The following NLRP1 variants were observed in gnomAD, a reference collection of about 807,000 sequenced individuals.
The protein encoded by NLRP1 is NACHT, LRR and PYD domains-containing protein 1.
A neutral mutation model predicts 136.7 loss-of-function variants in NLRP1; 94 were observed. The observed-to-expected ratio is 0.69, with a 90% CI of 0.58 to 0.82. The LOEUF is 0.82. NLRP1 is among the 40% of genes least tolerant of loss of function. The pLI, the probability that NLRP1 is intolerant of heterozygous loss-of-function variation, is 0.00. For synonymous variants in NLRP1, 690 were observed against 725.1 expected (o/e 0.95, Z 0.78); for missense variants, 1,575 against 1,802.7 (o/e 0.87, Z 2.29).
Position 5,536,923 on chromosome 17 carries a change from A to C in NLRP1, c.2888T>G (p.Leu963Arg). 1 of 1,613,450 alleles carries C rather than the reference A, an allele frequency of 6.2e-7. No individual in the cohort carries two copies. The highest frequency in any genetic ancestry group is 1.3e-5 in the African/African-American group (1 of 75,012). The change falls in exon 8 of 17, where the codon CTG becomes CGG. Residue 963 changes from leucine (L) to arginine (R), a missense_variant. Physicochemically the swap from Leu to Arg is moderately radical, Grantham distance 102 (BLOSUM62 -2). Coordinates refer to ENST00000572272, the MANE Select transcript of NLRP1 (RefSeq NM_033004.4). The stretch of plus-strand genomic sequence containing the variant: ...CAGTTCCTGCCTCATCTCATCACTC[A>C]GAGTTGTCTGGTCCAGCCTGAAAGC... Reference protein sequence around the residue: ...LIRLGLDQTTLSDEMRQELRA... With the variant: ...LIRLGLDQTTRSDEMRQELRA...
intron 5 of NLRP1, among the ~76,000 whole-genome samples, chr17:5,548,987 C>A (rs1047385290): frequency 1.3e-5 from 2 of 152,218 alleles, no homozygotes; most frequent in Non-Finnish European, 2.9e-5. Context: ...GCAAAAATGG[C>A]AGCTGGGATT....
intron 12 of NLRP1, among the ~76,000 whole-genome samples, chr17:5,525,147 C>G (rs1909371971): frequency 6.6e-6 from 1 of 152,188 alleles, no homozygotes; most frequent in African/African-American, 2.4e-5. Flanking sequence ...TTAGAAAAAG[C>G]TATCATGAGG....
intron 15 of NLRP1, chr17:5,503,869 A>T (rs557663242): frequency 6.6e-6 from 1 of 152,376 alleles, no homozygotes; most frequent in South Asian, 2.1e-4. Flanking sequence ...GGCTACCTTT[A>T]GCTCCTGCTT....
In NLRP1 at chr17:5,583,177, TAAC is replaced by T. The variant is rs1421109260; in HGVS notation, c.272-334_272-332del. Among the ~76,000 whole-genome samples, 3 of 151,578 alleles carry T rather than the reference TAAC, an allele frequency of 2.0e-5. No homozygotes were observed. The highest frequency in any genetic ancestry group is 1.3e-4 in the Admixed American group (2 of 15,256). ...AACCCAGGGTGGCTAATAGTAATAA[TAAC>T]AGCAGCAGCAGCAGCAGCAACAACA... On this transcript the variant is annotated intron_variant, in intron 1 of 16. Coordinates refer to ENST00000572272, the MANE Select transcript of NLRP1 (RefSeq NM_033004.4). This position sits in a 1 kb window ranked among gnomAD's most constrained non-coding sequence, Gnocchi z 4.5.
At chr17:5,534,084 G>T in intron 8 of NLRP1, 96 bp from the exon 9 acceptor site, 5 of 856,560 alleles carry the variant, frequency 5.8e-6, no homozygotes, top group Non-Finnish European at 1.0e-5. Context: ...TCCTCGGGTC[G>T]GGTGCAGTGG....
At position 5,559,832 on chromosome 17, in the gene NLRP1, G is replaced by A. The variant is rs532511732; in HGVS notation, c.864C>T (p.His288=). ...FTQLLLLQRP[H]PRSQDPLVKR... ...TGACCAGGGGATCTTGGCTTCTGGG[G>A]TGAGGTCTTTGTAGAAGTAGCAGCT... The change falls in exon 4 of 17, where the codon CAC becomes CAT. Residue 288 remains histidine (H), a synonymous_variant. Coordinates refer to ENST00000572272, the MANE Select transcript of NLRP1 (RefSeq NM_033004.4). The A allele has an allele frequency of 6.2e-7, 1 of 1,614,246 alleles. No individual in the cohort carries two copies. The highest frequency in any genetic ancestry group is 1.1e-5 in the South Asian group (1 of 91,086).
chr17:5,501,897 T>C, intron 15 of NLRP1: 2 of 1,606,220 alleles, frequency 1.2e-6, no homozygotes, highest in Non-Finnish European at 1.7e-6. Flanking sequence ...GAACAATCAC[T>C]TGGATTTATT....
At chr17:5,580,929 C>T (rs961827) in intron 3 of NLRP1, among the ~76,000 whole-genome samples, 68,294 of 152,000 alleles carry the variant, frequency 0.45, 15,605 homozygotes, top group Non-Finnish European at 0.47. Flanking sequence ...ATTTTTAAAA[C>T]ATGAGTTTAT....
chr17:5,528,668 T>G (rs1268250302), intron 12 of NLRP1, among the ~76,000 whole-genome samples: 2 of 152,200 alleles, frequency 1.3e-5, no homozygotes, highest in African/African-American at 2.4e-5. Flanking sequence ...TAATTTTTCT[T>G]ATATATATGC....
Position 5,559,549 on chromosome 17 carries a change from G to A in NLRP1, c.1147C>T (p.Leu383Phe). 1 of 1,614,194 alleles carries A rather than the reference G, an allele frequency of 6.2e-7. No individual in the cohort carries two copies. The highest frequency in any genetic ancestry group is 1.1e-5 in the South Asian group (1 of 91,084). ...AQSKVVSLAELIGKDGTATPA... is the reference protein window; with the variant it reads ...AQSKVVSLAEFIGKDGTATPA... The stretch of plus-strand genomic sequence containing the variant: ...GTGGCTGTCCCATCTTTTCCGATGA[G>A]CTCAGCGAGACTCACCACCTTGGAC... Residue 383 changes from leucine (L) to phenylalanine (F), a missense_variant, in exon 4 of 17, where the codon CTC (leucine) becomes TTC (phenylalanine). Leu to Phe is a conservative substitution (Grantham distance 22). Coordinates refer to ENST00000572272, the MANE Select transcript of NLRP1 (RefSeq NM_033004.4).
chr17:5,501,552 G>A (rs760715096), exon 16 of NLRP1: 5 of 379,404 alleles, frequency 1.3e-5, no homozygotes, highest in Non-Finnish European at 2.5e-5. Context: ...AAGAATTGGT[G>A]CATTTCTCTG....
chr17:5,539,161 A>G (rs1911512728), intron 7 of NLRP1, among the ~76,000 whole-genome samples: 1 of 152,118 alleles, frequency 6.6e-6, no homozygotes, highest in Non-Finnish European at 1.5e-5. Context: ...GTGAGCCACC[A>G]CGCCCTGCCT....
At chr17:5,515,639 A>G (rs571495576) in intron 15 of NLRP1, 122 bp from the exon 16 acceptor site, 1 of 791,420 alleles carries the variant, frequency 1.3e-6, no homozygotes, top group Non-Finnish European at 2.1e-6. Context: ...CCACAGACAA[A>G]TTCTGGTAGA....
rs770497368 is a variant in NLRP1, at chr17:5,515,042, C to T, written c.4134G>A (p.Leu1378=). The T allele has an allele frequency of 1.9e-6, 3 of 1,614,076 alleles. No homozygotes were observed. The highest frequency in any genetic ancestry group is 2.7e-5 in the African/African-American group (2 of 74,950). ...CTCGATACTGGTCCACAAAGTGCAG[C>T]AACTGCGGGGCATCCAGAGGTGAAG... ...AVPSPLDAPQ[L]LHFVDQYREQ... The change falls in exon 17 of 17, where the codon TTG becomes TTA. Residue 1378 remains leucine, a synonymous_variant. Transcript: ENST00000572272.
At chr17:5,530,354 C>T (rs1910082091) in intron 12 of NLRP1, 127 bp downstream of exon 12, 2 of 742,706 alleles carry the variant, frequency 2.7e-6, no homozygotes, top group Non-Finnish European at 4.5e-6. Flanking sequence ...TAGTCCCCAT[C>T]TCCATAACCC....
At chr17:5,534,759 G>A (rs7224071) in intron 8 of NLRP1, among the ~76,000 whole-genome samples, 2 of 152,060 alleles carry the variant, frequency 1.3e-5, no homozygotes, top group South Asian at 2.1e-4. Context: ...CTGTAATGTC[G>A]CTTCATTGCT....
intron 3 of NLRP1, among the ~76,000 whole-genome samples, chr17:5,572,711 GA>G (rs35389652): frequency 0.65 from 73,344 of 113,678 alleles, 20,850 homozygotes; most frequent in East Asian, 0.84. Context: ...CTTTGTCTCA[GA>G]AAAAAAAAAA....
At chr17:5,580,352 A>C (rs1301115639) in intron 3 of NLRP1, among the ~76,000 whole-genome samples, 1 of 152,204 alleles carries the variant, frequency 6.6e-6, no homozygotes, top group African/African-American at 2.4e-5. Context: ...TAATCTGTAC[A>C]CCAAACACTT....
intron 7 of NLRP1, among the ~76,000 whole-genome samples, chr17:5,539,044 T>A (rs1911493253): frequency 6.6e-6 from 1 of 152,170 alleles, no homozygotes; most frequent in Non-Finnish European, 1.5e-5. Flanking sequence ...CTAGTTTTTA[T>A]ATTTTTAGTA....
Sources: allele counts gnomAD v4.1 joint callset (sites outside exome capture counted in the v4.1 genomes callset), GRCh38; gene constraint gnomAD v4.1.1; non-coding constraint Gnocchi (gnomAD v3.1); transcripts MANE v1.5; gene names NCBI Gene and HGNC (gene_info 2026-07-23, HGNC 2026-07-21).